Variants in XRCC4 observed in about 807,000 individuals in gnomAD.
The protein encoded by XRCC4 is X-ray repair cross complementing 4, also known as DNA repair protein XRCC4.
Under a neutral mutation model 39.1 loss-of-function variants are expected in XRCC4, and 28 were observed. The ratio of observed to expected loss-of-function variants is 0.72; its 90% CI spans 0.53 to 0.98. XRCC4 has a LOEUF of 0.98. XRCC4 is among the 50% of genes least tolerant of loss of function. The pLI, the probability that XRCC4 is intolerant of heterozygous loss-of-function variation, is 0.00. For synonymous variants in XRCC4, 123 were observed against 126.4 expected (o/e 0.97, Z 0.18); for missense variants, 350 against 376.4 (o/e 0.93, Z 0.58).
intron 3 of XRCC4, among the ~76,000 whole-genome samples, chr5:83,122,216 T>G (rs1388300805): frequency 6.6e-6 from 1 of 152,186 alleles, no homozygotes; most frequent in East Asian, 1.9e-4. Context: ...TCCAAACAAG[T>G]CTGCTGGAAT....
intron 3 of XRCC4, among the ~76,000 whole-genome samples, chr5:83,153,735 T>C (rs1034992767): frequency 1.3e-5 from 2 of 152,228 alleles, no homozygotes; most frequent in African/African-American, 4.8e-5. Flanking sequence ...AATGATTTTT[T>C]TGTGAGTAAT....
At chr5:83,238,315 C>G (rs1752769505) in intron 6 of XRCC4, among the ~76,000 whole-genome samples, 1 of 152,126 alleles carries the variant, frequency 6.6e-6, no homozygotes, top group East Asian at 1.9e-4. Context: ...TAGTGGCAGT[C>G]CTCAGAAAAT....
At chr5:83,103,024 A>G (rs1344547155) in intron 1 of XRCC4, among the ~76,000 whole-genome samples, 1 of 145,484 alleles carries the variant, frequency 6.9e-6, no homozygotes, top group Non-Finnish European at 1.5e-5. Flanking sequence ...ATATATATAT[A>G]TATATATGTC....
At chr5:83,142,251 A>G (rs1748214188) in intron 3 of XRCC4, among the ~76,000 whole-genome samples, 1 of 151,552 alleles carries the variant, frequency 6.6e-6, no homozygotes, top group Admixed American at 6.6e-5. Context: ...TGAAACTCTG[A>G]TGATATTATC....
At chr5:83,078,962 C>T (rs1358940122) in intron 1 of XRCC4, among the ~76,000 whole-genome samples, 1 of 152,168 alleles carries the variant, frequency 6.6e-6, no homozygotes, top group Non-Finnish European at 1.5e-5. Flanking sequence ...TTATGTTGTG[C>T]AATTTATCGA....
At chr5:83,264,640 A>G (rs571187725) in intron 7 of XRCC4, among the ~76,000 whole-genome samples, 1 of 152,096 alleles carries the variant, frequency 6.6e-6, no homozygotes, top group Non-Finnish European at 1.5e-5. Context: ...ACCACCGTTG[A>G]GACCTGGTAC....
At chr5:83,138,099 G>A (rs1006206982) in intron 3 of XRCC4, among the ~76,000 whole-genome samples, 1 of 152,144 alleles carries the variant, frequency 6.6e-6, no homozygotes, top group Non-Finnish European at 1.5e-5. Context: ...CTTGTGGACT[G>A]TGCTTGTAAA....
chr5:83,310,776 C>G, intron 7 of XRCC4: 1 of 456,590 alleles, frequency 2.2e-6, no homozygotes, highest in Non-Finnish European at 4.4e-6. Context: ...GCAATTATAA[C>G]TTTCCTTATT....
chr5:83,112,300 G>A (rs776156190), intron 3 of XRCC4, among the ~76,000 whole-genome samples: 8 of 152,042 alleles, frequency 5.3e-5, no homozygotes, highest in African/African-American at 1.2e-4. Flanking sequence ...AAGCTCAATC[G>A]GATGATATTA....
At chr5:83,211,885 T>G (rs1751660012) in intron 6 of XRCC4, among the ~76,000 whole-genome samples, 1 of 152,020 alleles carries the variant, frequency 6.6e-6, no homozygotes, top group Non-Finnish European at 1.5e-5. Flanking sequence ...AGAAGGAAAA[T>G]AGTCAAAACC....
rs779181038 is a variant in XRCC4 at position 83,104,907 on chromosome 5, C to G, written c.-10-3C>G. 1 of 1,610,712 alleles carries G rather than the reference C, an allele frequency of 6.2e-7. No individual in the cohort carries two copies. The highest frequency in any genetic ancestry group is 2.2e-5 in the East Asian group (1 of 44,702). On this transcript the variant is annotated splice_region_variant and splice_polypyrimidine_tract_variant and intron_variant, in intron 1 of 7. Coordinates refer to ENST00000396027, the MANE Select transcript of XRCC4 (RefSeq NM_003401.5). ...AAATATTAATTGTATTCTCCCATTA[C>G]AGGTATTAAGAAATGGAGAGAAAAA...
intron 3 of XRCC4, among the ~76,000 whole-genome samples, chr5:83,191,518 C>T (rs748222425): frequency 1.3e-5 from 2 of 152,156 alleles, no homozygotes; most frequent in Non-Finnish European, 2.9e-5. Context: ...GCCTGACCAA[C>T]ATGGTGAAAC....
intron 3 of XRCC4, among the ~76,000 whole-genome samples, chr5:83,133,485 A>C (rs1747712462): frequency 6.6e-6 from 1 of 152,162 alleles, no homozygotes; most frequent in Non-Finnish European, 1.5e-5. Flanking sequence ...CTGCCCCCAA[A>C]GGTGGATTCT....
chr5:83,290,076 C>T (rs1754865010), intron 7 of XRCC4, among the ~76,000 whole-genome samples: 1 of 151,750 alleles, frequency 6.6e-6, no homozygotes, highest in Non-Finnish European at 1.5e-5. Context: ...CTCCAGTGGC[C>T]TCTACCCCAG....
At chr5:83,256,419 A>C (rs1053723934) in intron 6 of XRCC4, among the ~76,000 whole-genome samples, 2 of 152,132 alleles carry the variant, frequency 1.3e-5, no homozygotes, top group Non-Finnish European at 2.9e-5. Flanking sequence ...ATTTTTAAAA[A>C]TTTTGCCTTG....
chr5:83,212,894 T>C (rs1353608365), intron 6 of XRCC4, among the ~76,000 whole-genome samples: 3 of 136,776 alleles, frequency 2.2e-5, no homozygotes, highest in Non-Finnish European at 3.0e-5. Context: ...GCCACTGCAC[T>C]CCAGCCTGGG....
At chr5:83,171,931 T>A (rs1441869055) in intron 3 of XRCC4, among the ~76,000 whole-genome samples, 1 of 152,190 alleles carries the variant, frequency 6.6e-6, no homozygotes, top group Non-Finnish European at 1.5e-5. Context: ...TTCACTGACG[T>A]ATTGATTTTA....
intron 3 of XRCC4, among the ~76,000 whole-genome samples, chr5:83,144,609 T>A (rs1748362965): frequency 7.9e-6 from 1 of 127,218 alleles, no homozygotes; most frequent in Non-Finnish European, 1.6e-5. Flanking sequence ...TGAATGTATG[T>A]CTTTCAATCA....
intron 7 of XRCC4, among the ~76,000 whole-genome samples, chr5:83,268,406 T>A (rs1240785888): frequency 6.6e-6 from 1 of 152,190 alleles, no homozygotes; most frequent in Admixed American, 6.5e-5. Context: ...TCCATGCTGC[T>A]ATATTTATCT....
Sources: allele counts gnomAD v4.1 joint callset (sites outside exome capture counted in the v4.1 genomes callset), GRCh38; gene constraint gnomAD v4.1.1; transcripts MANE v1.5; gene names NCBI Gene and HGNC (gene_info 2026-07-23, HGNC 2026-07-21).